NSG2: variants seen among roughly 807,000 people sequenced by gnomAD.
NSG2 encodes neuronal vesicle trafficking-associated protein 2.
A neutral mutation model predicts 16.9 loss-of-function variants in NSG2; 4 were observed. That is an observed-to-expected ratio of 0.24 (90% CI 0.12 to 0.54). NSG2 has a LOEUF of 0.54. NSG2 is among the 20% of genes least tolerant of loss of function. NSG2 has a pLI of 0.95. For synonymous variants in NSG2, 98 were observed against 88.7 expected (o/e 1.11, Z -0.59); for missense variants, 179 against 221.1 (o/e 0.81, Z 1.21).
chr5:174,083,543 A>T (rs1206969819), intron 3 of NSG2, among the ~76,000 whole-genome samples: 2 of 152,150 alleles, frequency 1.3e-5, no homozygotes, highest in African/African-American at 4.8e-5. Flanking sequence ...TTTCAAGCCA[A>T]GCTCAGGCGA....
intron 2 of NSG2, among the ~76,000 whole-genome samples, chr5:174,058,562 T>A (rs1172231194): frequency 1.3e-5 from 2 of 151,750 alleles, no homozygotes; most frequent in Non-Finnish European, 1.5e-5. Flanking sequence ...CACTGAGAGA[T>A]CAGAAAGAGG....
chr5:174,076,887 AC>A (rs1760353103), intron 3 of NSG2, among the ~76,000 whole-genome samples: 1 of 152,130 alleles, frequency 6.6e-6, no homozygotes, highest in Non-Finnish European at 1.5e-5. Context: ...ATGCTGAGAA[AC>A]CTTGCTCTAG....
chr5:174,061,452 G>A (rs903187732), intron 2 of NSG2, among the ~76,000 whole-genome samples: 75 of 152,200 alleles, frequency 4.9e-4, no homozygotes, highest in South Asian at 6.2e-4. Context: ...TCCGACTCTC[G>A]TATTCGCATT....
At chr5:174,061,817 G>T (rs1376109819) in intron 2 of NSG2, among the ~76,000 whole-genome samples, 1 of 151,556 alleles carries the variant, frequency 6.6e-6, no homozygotes, top group African/African-American at 2.4e-5. Context: ...GTTGGCCAGG[G>T]TGGTCTTGAT....
chr5:174,089,091 A>G (rs1250767781), intron 3 of NSG2, among the ~76,000 whole-genome samples: 1 of 152,222 alleles, frequency 6.6e-6, no homozygotes, highest in Non-Finnish European at 1.5e-5. Flanking sequence ...GGGATCAGAA[A>G]GGGGCTTTGG....
intron 3 of NSG2, among the ~76,000 whole-genome samples, chr5:174,069,981 G>T (rs1323214470): frequency 6.7e-6 from 1 of 150,074 alleles, no homozygotes; most frequent in African/African-American, 2.5e-5. Flanking sequence ...AGGCTCAAGT[G>T]ATCCTCCCAC....
rs544285712 is a variant in NSG2, at chr5:174,107,680, C to T, written c.*175C>T. On this transcript the variant is annotated 3_prime_UTR_variant, in exon 5 of 5. Coordinates refer to ENST00000303177, the MANE Select transcript of NSG2 (RefSeq NM_015980.5). This position sits in a 1 kb window ranked among gnomAD's most constrained non-coding sequence, Gnocchi z 4.5. ...GTGGTGTGTGCTGGAGTTGTCTGAA[C>T]CGATATTTCTTTTTGTTCCTTGGTA... 44 of 731,028 alleles carry T rather than the reference C, an allele frequency of 6.0e-5. No individual in the cohort carries two copies. The highest frequency in any genetic ancestry group is 5.0e-4 in the Admixed American group (25 of 50,008). 45.3% of individuals were successfully genotyped at this position (731,028 alleles called of 1,614,324 possible). A position where few individuals can be genotyped will look rare whatever the true frequency, so the allele number is the denominator to read the frequency against.
Position 174,085,313 on chromosome 5 carries a change from G to A in NSG2, c.214-18915G>A, listed in dbSNP as rs10038099. ...GACTGAGGCTCAGAGAGGTGGCGTCGTGTACTGAAGGTAACACAGCCAGGA... is the reference window on the plus strand; with the variant it reads ...GACTGAGGCTCAGAGAGGTGGCGTCATGTACTGAAGGTAACACAGCCAGGA... On this transcript the variant is annotated intron_variant, in intron 3 of 4. Coordinates refer to ENST00000303177, the MANE Select transcript of NSG2 (RefSeq NM_015980.5). Among the ~76,000 whole-genome samples the A allele has an allele frequency of 1.5e-3, 234 of 152,280 alleles. 1 individual carries two copies. Among genetic ancestry groups the A allele is most frequent in the African/African-American group, 5.3e-3 (221 of 41,554 alleles).
intron 3 of NSG2, among the ~76,000 whole-genome samples, chr5:174,090,200 T>TA (rs538923308): frequency 2.1e-4 from 32 of 152,156 alleles, no homozygotes; most frequent in Admixed American, 1.0e-3. Flanking sequence ...TGTGATCTCT[T>TA]ACAGCAAAGG....
intron 3 of NSG2, among the ~76,000 whole-genome samples, chr5:174,079,834 T>A (rs921938132): frequency 6.6e-6 from 1 of 152,204 alleles, no homozygotes; most frequent in African/African-American, 2.4e-5. Context: ...AATCATGGAC[T>A]CCACAAGGCA....
At chr5:174,048,632 T>C (rs947787793) in intron 2 of NSG2, among the ~76,000 whole-genome samples, 1 of 152,114 alleles carries the variant, frequency 6.6e-6, no homozygotes, top group Non-Finnish European at 1.5e-5. Flanking sequence ...AGAAAAGGGA[T>C]TGTGGTGAGG....
chr5:174,068,224 T>C (rs1760175976), intron 3 of NSG2, among the ~76,000 whole-genome samples: 1 of 152,122 alleles, frequency 6.6e-6, no homozygotes, highest in Non-Finnish European at 1.5e-5. Context: ...AGAAAGCAGT[T>C]CATGGCAATT....
chr5:174,096,234 G>A (rs1760792305), intron 3 of NSG2, among the ~76,000 whole-genome samples: 1 of 152,202 alleles, frequency 6.6e-6, no homozygotes, highest in South Asian at 2.1e-4. Context: ...AGACAGGTGA[G>A]GTTAATTAAA....
chr5:174,088,445 T>C (rs1229862312), intron 3 of NSG2, among the ~76,000 whole-genome samples: 1 of 152,178 alleles, frequency 6.6e-6, no homozygotes, highest in African/African-American at 2.4e-5. Context: ...TTAGGCCAAA[T>C]AGACCAACAG....
At position 174,092,723 on chromosome 5, in the gene NSG2, C is replaced by T. The variant is rs552171953; in HGVS notation, c.214-11505C>T. Among the ~76,000 whole-genome samples the T allele has an allele frequency of 2.8e-3, 429 of 152,264 alleles. 1 individual carries two copies. Among genetic ancestry groups the T allele is most frequent in the Admixed American group, 5.8e-3 (88 of 15,290 alleles). ...TTGTACCTCATGATAGTTTTTCGTA[C>T]ATTAGCGCACTGATTTAGAGCCATT... On this transcript the variant is annotated intron_variant, in intron 3 of 4. Transcript: ENST00000303177.
intron 3 of NSG2, chr5:174,081,731 A>G (rs1235631429): frequency 1.3e-5 from 2 of 152,044 alleles, no homozygotes; most frequent in Non-Finnish European, 2.9e-5. Flanking sequence ...TCTACTAAAA[A>G]TACAAAAAAT....
Position 174,108,278 on chromosome 5 carries a change from T to C in NSG2, c.*773T>C. ...TTTTCTTTGTCTTTTGCTTGCATTT[T>C]CTAGATCCACACCTGGATACTGCCC... On this transcript the variant is annotated 3_prime_UTR_variant, in exon 5 of 5. Transcript: ENST00000303177. 18 of 155,962 alleles carry C rather than the reference T, an allele frequency of 1.2e-4. No individual in the cohort carries two copies. The highest frequency in any genetic ancestry group is 4.9e-4 in the Admixed American group (8 of 16,254). The allele number at this position is 155,962 out of a possible 1,614,324, so 9.7% of individuals were successfully genotyped here.
At chr5:174,076,466 G>A (rs368946213) in intron 3 of NSG2, among the ~76,000 whole-genome samples, 1 of 152,134 alleles carries the variant, frequency 6.6e-6, no homozygotes, top group Non-Finnish European at 1.5e-5. Flanking sequence ...GAGAAAAAAA[G>A]CTAAATATAA....
intron 3 of NSG2, among the ~76,000 whole-genome samples, chr5:174,068,424 C>T (rs1248082727): frequency 6.6e-6 from 1 of 152,214 alleles, no homozygotes; most frequent in African/African-American, 2.4e-5. Context: ...GAGAAAAAAA[C>T]CCTCCTTTCT....
Sources: allele counts gnomAD v4.1 joint callset (sites outside exome capture counted in the v4.1 genomes callset), GRCh38; gene constraint gnomAD v4.1.1; non-coding constraint Gnocchi (gnomAD v3.1); transcripts MANE v1.5; gene names NCBI Gene and HGNC (gene_info 2026-07-23, HGNC 2026-07-21).